KIAA1328: variants seen among roughly 807,000 people sequenced by gnomAD.
KIAA1328 encodes the protein protein hinderin.
Under a neutral mutation model 68.1 loss-of-function variants are expected in KIAA1328, and 52 were observed. The ratio of observed to expected loss-of-function variants is 0.76; its 90% CI spans 0.61 to 0.96. The LOEUF (loss-of-function observed/expected upper bound fraction) is 0.96, where lower values mean the gene tolerates loss of function less well. Ranked by LOEUF, KIAA1328 falls within the 40% of genes least tolerant of loss-of-function variation. The probability of loss-of-function intolerance (pLI) is 0.00; values close to 1 mark genes in which losing one functional copy is unlikely to be tolerated. For missense variants in KIAA1328, 641 were observed against 677.6 expected, an observed-to-expected ratio of 0.95 and a Z score of 0.60; for synonymous variants, 232 against 239.4, an observed-to-expected ratio of 0.97 and a Z score of 0.28.
At chr18:36,928,645 A>G (rs898253940) in intron 5 of KIAA1328, among the ~76,000 whole-genome samples, 25 of 152,156 alleles carry the variant, frequency 1.6e-4, no homozygotes, top group African/African-American at 4.6e-4. Flanking sequence ...GTTTTCAGCA[A>G]TCTAACTATG....
chr18:37,185,750 C>A (rs946359342), intron 9 of KIAA1328, among the ~76,000 whole-genome samples: 1 of 151,912 alleles, frequency 6.6e-6, no homozygotes, highest in African/African-American at 2.4e-5. Flanking sequence ...CGTACACACA[C>A]ACACATACCA....
chr18:37,118,084 T>G (rs962123659), intron 7 of KIAA1328, among the ~76,000 whole-genome samples: 4 of 150,746 alleles, frequency 2.7e-5, no homozygotes, highest in African/African-American at 9.8e-5. Context: ...AGCCTTCACC[T>G]CTTGGGCCCT....
chr18:37,074,546 T>C (rs1184157257), intron 7 of KIAA1328, among the ~76,000 whole-genome samples: 7 of 152,230 alleles, frequency 4.6e-5, no homozygotes, highest in Non-Finnish European at 1.0e-4. Flanking sequence ...ATTCATTTCA[T>C]CTTCCATCAC....
intron 7 of KIAA1328, among the ~76,000 whole-genome samples, chr18:37,104,758 T>C (rs1599283718): frequency 6.6e-6 from 1 of 152,266 alleles, no homozygotes; most frequent in East Asian, 1.9e-4. Flanking sequence ...ACCCCATAGA[T>C]ATGTATGATT....
intron 4 of KIAA1328, among the ~76,000 whole-genome samples, chr18:36,865,863 T>G (rs932559902): frequency 6.6e-6 from 1 of 152,162 alleles, no homozygotes; most frequent in Non-Finnish European, 1.5e-5. Flanking sequence ...GGTCATGTCC[T>G]CCTTACCCTT....
chr18:37,062,295 A>C (rs2151714090), intron 6 of KIAA1328, among the ~76,000 whole-genome samples: 1 of 152,300 alleles, frequency 6.6e-6, no homozygotes, highest in East Asian at 1.9e-4. Flanking sequence ...CCTCATCTAC[A>C]CACCACATAC....
chr18:36,953,308 A>G (rs1362184845), intron 5 of KIAA1328, among the ~76,000 whole-genome samples: 1 of 147,458 alleles, frequency 6.8e-6, no homozygotes, highest in Admixed American at 6.8e-5. Flanking sequence ...ATTATATACA[A>G]ATATTTATAT....
At chr18:36,961,130 T>C (rs1461896210) in intron 6 of KIAA1328, among the ~76,000 whole-genome samples, 1 of 152,176 alleles carries the variant, frequency 6.6e-6, no homozygotes, top group Admixed American at 6.5e-5. Flanking sequence ...AATGACCTGA[T>C]GGAGCTGAAA....
intron 3 of KIAA1328, among the ~76,000 whole-genome samples, chr18:36,840,417 C>T (rs2046820947): frequency 6.7e-6 from 1 of 149,528 alleles, no homozygotes; most frequent in African/African-American, 2.5e-5. Context: ...TGGTGGTTTG[C>T]TTTTTCTTTT....
chr18:37,221,956 T>C (rs2154226113), intron 9 of KIAA1328, 61 bp from the exon 10 acceptor site: 1 of 1,525,016 alleles, frequency 6.6e-7, no homozygotes, highest in South Asian at 1.2e-5. Flanking sequence ...TCTGCTGGGC[T>C]TCTTGAATTC....
chr18:36,955,561 G>A (rs2051377009), intron 5 of KIAA1328, among the ~76,000 whole-genome samples: 2 of 151,970 alleles, frequency 1.3e-5, no homozygotes. Context: ...GTCCACCTCG[G>A]CCTCCCAAAG....
intron 9 of KIAA1328, among the ~76,000 whole-genome samples, chr18:37,183,177 T>G (rs1036594173): frequency 5.3e-5 from 8 of 152,178 alleles, no homozygotes; most frequent in African/African-American, 1.9e-4. Flanking sequence ...GTGTTTTTTT[T>G]GGGATATCTG....
intron 9 of KIAA1328, among the ~76,000 whole-genome samples, chr18:37,204,853 A>G (rs563986449): frequency 6.6e-6 from 1 of 152,160 alleles, no homozygotes; most frequent in South Asian, 2.1e-4. Flanking sequence ...CCTGAATATC[A>G]GCTTTTAATT....
intron 3 of KIAA1328, among the ~76,000 whole-genome samples, chr18:36,841,576 A>T (rs182154539): frequency 2.0e-5 from 3 of 152,092 alleles, no homozygotes; most frequent in Admixed American, 6.5e-5. Flanking sequence ...TTGTTTTTCC[A>T]TATCGGGGTT....
intron 9 of KIAA1328, among the ~76,000 whole-genome samples, chr18:37,186,814 GCTTT>G (rs1355633786): frequency 1.3e-5 from 2 of 152,048 alleles, no homozygotes; most frequent in Non-Finnish European, 2.9e-5. Context: ...GCTTATTAAG[GCTTT>G]CATTGATTTT....
At chr18:37,169,273 C>A (rs1162846806) in intron 8 of KIAA1328, among the ~76,000 whole-genome samples, 1 of 151,594 alleles carries the variant, frequency 6.6e-6, no homozygotes, top group African/African-American at 2.4e-5. Context: ...TCAAGCAATT[C>A]TTCAGCCTCA....
intron 6 of KIAA1328, among the ~76,000 whole-genome samples, chr18:37,034,579 T>A (rs1221156855): frequency 6.6e-6 from 1 of 152,188 alleles, no homozygotes; most frequent in Non-Finnish European, 1.5e-5. Flanking sequence ...TACAGTTAAC[T>A]CTTAATACAA....
intron 6 of KIAA1328, among the ~76,000 whole-genome samples, chr18:37,000,191 G>A (rs893179715): frequency 2.0e-5 from 3 of 152,100 alleles, no homozygotes; most frequent in Admixed American, 1.3e-4. Flanking sequence ...GAAACCAAAA[G>A]TGAGCAGGAG....
chr18:36,960,177 G>T (rs549108780), intron 6 of KIAA1328, among the ~76,000 whole-genome samples: 26 of 152,302 alleles, frequency 1.7e-4, no homozygotes, highest in Non-Finnish European at 2.9e-4. Flanking sequence ...GGCTGGGTGG[G>T]TGTCATGCCC....
Sources: gnomAD v4.1 joint callset for allele counts (sites outside exome capture counted in the v4.1 genomes callset) on GRCh38, gnomAD v4.1.1 for gene constraint, MANE v1.5 for transcripts, NCBI Gene and HGNC (gene_info 2026-07-23, HGNC 2026-07-21) for gene names.